ADGRL2: variants seen among roughly 807,000 people sequenced by gnomAD.
The protein encoded by ADGRL2 is calcium-independent alpha-latrotoxin receptor 2.
In ADGRL2, 44 loss-of-function variants were observed where a neutral mutation model predicts 157.4. The ratio of observed to expected loss-of-function variants is 0.28; its 90% confidence interval spans 0.22 to 0.36. The LOEUF (loss-of-function observed/expected upper bound fraction) is 0.36. Among genes scored for constraint, ADGRL2 ranks in the 10% least tolerant of loss-of-function variants. The pLI, the probability that ADGRL2 is intolerant of heterozygous loss-of-function variation, is 1.00. For missense variants in ADGRL2, 1,510 were observed against 1,768.9 expected (o/e 0.85, Z 2.63); for synonymous variants, 585 against 624.7 (o/e 0.94, Z 0.95).
At chr1:81,626,508 C>G (rs1021543885) in intron 3 of ADGRL2, among the ~76,000 whole-genome samples, 2 of 152,032 alleles carry the variant, frequency 1.3e-5, no homozygotes, top group African/African-American at 2.4e-5. Context: ...TTTCACCATT[C>G]GGTAATCTGC....
chr1:81,843,563 C>T (rs1399876431), intron 2 of ADGRL2, among the ~76,000 whole-genome samples: 6 of 152,020 alleles, frequency 3.9e-5, no homozygotes, highest in South Asian at 2.1e-4. Flanking sequence ...AGCGATAATT[C>T]GGTTTTAAAA....
At position 81,950,278 on chromosome 1, in the gene ADGRL2, A is replaced by C. The variant is rs1392294079; in HGVS notation, c.1300A>C (p.Met434Leu). ...TTSTTSQKGP[M>L]STTVAGSQEG... Reference sequence around the variant, plus strand: ...AAGCACTACTTCACAGAAAGGCCCCATGAGCACAACTGTAGCTGGATCACA... The same window carrying C: ...AAGCACTACTTCACAGAAAGGCCCCCTGAGCACAACTGTAGCTGGATCACA... Residue 434 changes from methionine to leucine, a missense_variant, in exon 7 of 24, where the codon ATG (methionine) becomes CTG (leucine). Physicochemically the swap from Met to Leu is conservative, Grantham distance 15. Coordinates refer to ENST00000686636, the MANE Select transcript of ADGRL2 (RefSeq NM_001366006.2). 1 of 1,614,114 alleles carries C rather than the reference A, an allele frequency of 6.2e-7. No individual in the cohort carries two copies. Among genetic ancestry groups the C allele is most frequent in the East Asian group, 2.2e-5 (1 of 44,872 alleles).
intron 1 of ADGRL2, among the ~76,000 whole-genome samples, chr1:81,374,475 G>A (rs2076213004): frequency 1.3e-5 from 2 of 151,382 alleles, no homozygotes; most frequent in African/African-American, 4.9e-5. Context: ...AGGAGGCTGA[G>A]GTGAGAGAAT....
chr1:81,498,921 A>G (rs913423930), intron 2 of ADGRL2, among the ~76,000 whole-genome samples: 6 of 152,236 alleles, frequency 3.9e-5, no homozygotes, highest in Non-Finnish European at 7.3e-5. Context: ...AGGAAGCATA[A>G]TAATTGTGTC....
At position 81,343,706 on chromosome 1, in the gene ADGRL2, CAG is replaced by C. The variant is rs536563720; in HGVS notation, c.-302+37211_-302+37212del. Among the ~76,000 whole-genome samples the C allele has an allele frequency of 3.4e-3, 505 of 150,436 alleles. 2 individuals carry two copies. The highest frequency in any genetic ancestry group is 7.0e-3 in the South Asian group (33 of 4,726). On this transcript the variant is annotated intron_variant, in intron 1 of 24. Coordinates refer to the ADGRL2 transcript ENST00000370721. The stretch of plus-strand genomic sequence containing the variant: ...AGAGAGAGAGAGAAAGAGAGTGTGA[CAG>C]AGAGAGAGAGAGAAAGAGATTGTGA...
intron 2 of ADGRL2, among the ~76,000 whole-genome samples, chr1:81,895,070 G>A: frequency 6.6e-6 from 1 of 152,170 alleles, no homozygotes; most frequent in East Asian, 1.9e-4. Flanking sequence ...TGGGGATATA[G>A]TGTCTTTCCT....
intron 1 of ADGRL2, among the ~76,000 whole-genome samples, chr1:81,393,306 G>A (rs755270495): frequency 6.6e-6 from 1 of 150,410 alleles, no homozygotes; most frequent in Non-Finnish European, 1.5e-5. Flanking sequence ...GGTGAATAGA[G>A]CCTGGTTATG....
At position 81,778,939 on chromosome 1, in the gene ADGRL2, C is replaced by T. The variant is rs1194160901; in HGVS notation, c.-101+17087C>T. Among the ~76,000 whole-genome samples, 3 of 152,266 alleles carry T rather than the reference C, an allele frequency of 2.0e-5. No homozygotes were observed. The East Asian group carries it at 5.8e-4, about 29-fold the overall frequency. The stretch of plus-strand genomic sequence containing the variant: ...AAATAGTAACATATGTTTTATAGGG[C>T]TGCTATGATGATTAAGTGAACAAGT... On this transcript the variant is annotated intron_variant, in intron 2 of 20. Transcript: ENST00000359929.
intron 2 of ADGRL2, among the ~76,000 whole-genome samples, chr1:81,448,945 C>A (rs1352101080): frequency 1.3e-5 from 2 of 152,118 alleles, no homozygotes; most frequent in Non-Finnish European, 1.5e-5. Context: ...CTATACTTTA[C>A]AGTTTATTTA....
In ADGRL2 at chr1:81,450,505, C is replaced by T. The variant is rs1341339711; in HGVS notation, c.-248+5416C>T. ...ATTAACAAGAAGCAAGTGGCAGAGC[C>T]AGGATTTGAACCCACATCTCTCTGA... On this transcript the variant is annotated intron_variant, in intron 2 of 24. Transcript: ENST00000370721. Among the ~76,000 whole-genome samples the T allele has an allele frequency of 2.0e-5, 3 of 152,082 alleles. No individual in the cohort carries two copies. The South Asian group carries it at 6.2e-4, about 32-fold the overall frequency.
Position 81,942,984 on chromosome 1 carries a change from G to A in ADGRL2, c.425G>A (p.Gly142Glu), listed in dbSNP as rs1287865261. 1 of 1,611,210 alleles carries A rather than the reference G, an allele frequency of 6.2e-7. No individual in the cohort carries two copies. Among genetic ancestry groups the A allele is most frequent in the Non-Finnish European group, 8.5e-7 (1 of 1,178,268 alleles). The change falls in exon 6 of 24, where the codon GGG (glycine) becomes GAG (glutamate). Residue 142 changes from glycine to glutamate, a missense_variant. Gly to Glu is a moderately conservative substitution (Grantham distance 98). Coordinates refer to ENST00000686636, the MANE Select transcript of ADGRL2 (RefSeq NM_001366006.2). ...YMEQKVFVCP[G>E]TLKAIVDSPC... is the part of the protein sequence containing the mutation. ...TAACTGTTAGTTTTTGTGTGTCCTG[G>A]GACCTTGAAAGCAATTGTGGACTCA...
chr1:81,658,824 T>C (rs1360515233), intron 3 of ADGRL2, among the ~76,000 whole-genome samples: 1 of 152,078 alleles, frequency 6.6e-6, no homozygotes, highest in East Asian at 1.9e-4. Context: ...CAATCTCAGC[T>C]CATTGCAACC....
chr1:81,760,913 A>G (rs907420682), intron 1 of ADGRL2, among the ~76,000 whole-genome samples: 2 of 151,940 alleles, frequency 1.3e-5, no homozygotes, highest in African/African-American at 4.8e-5. Flanking sequence ...ACAAACTAAT[A>G]ATTTCCTTAA....
chr1:81,315,696 T>C (rs549639525), intron 1 of ADGRL2, among the ~76,000 whole-genome samples: 1 of 152,192 alleles, frequency 6.6e-6, no homozygotes, highest in Non-Finnish European at 1.5e-5. Flanking sequence ...ATGCAAACCC[T>C]TTGGAATTTT....
chr1:81,941,248 A>G (rs920725720), intron 4 of ADGRL2, among the ~76,000 whole-genome samples: 6 of 151,490 alleles, frequency 4.0e-5, no homozygotes, highest in African/African-American at 1.4e-4. Context: ...AGAATTTTAT[A>G]ATAAAATGTA....
At chr1:81,549,541 A>G (rs1218604173) in intron 2 of ADGRL2, among the ~76,000 whole-genome samples, 5 of 152,194 alleles carry the variant, frequency 3.3e-5, no homozygotes, top group Non-Finnish European at 1.5e-5. Context: ...CACAAGATTG[A>G]AGTCACCATA....
intron 2 of ADGRL2, among the ~76,000 whole-genome samples, chr1:81,569,277 C>T (rs1465243281): frequency 6.6e-6 from 1 of 152,070 alleles, no homozygotes; most frequent in Non-Finnish European, 1.5e-5. Context: ...TTCCACGAGA[C>T]AATTAAGTTA....
intron 2 of ADGRL2, among the ~76,000 whole-genome samples, chr1:81,541,529 T>C (rs1036456126): frequency 1.3e-5 from 2 of 152,080 alleles, no homozygotes; most frequent in Non-Finnish European, 2.9e-5. Context: ...AGAGACAAAC[T>C]CACAGATGGC....
Position 81,720,026 on chromosome 1 carries a change from T to C in ADGRL2, c.-143+20218T>C, listed in dbSNP as rs184629952. The stretch of plus-strand genomic sequence containing the variant: ...TGGCATTTTTATTTTTGTTTTACTA[T>C]ATTTTATTATGAAAATGTAATGGTA... On this transcript the variant is annotated intron_variant, in intron 1 of 20. Coordinates refer to the ADGRL2 transcript ENST00000359929. 3.5e-4 allele frequency among the ~76,000 whole-genome samples: 54 copies of C among 152,286 alleles called. 1 individual carries two copies. The highest frequency in any genetic ancestry group is 1.3e-3 in the African/African-American group (52 of 41,562).
Sources: allele counts gnomAD v4.1 joint callset (sites outside exome capture counted in the v4.1 genomes callset), GRCh38; gene constraint gnomAD v4.1.1; transcripts MANE v1.5; gene names NCBI Gene and HGNC (gene_info 2026-07-23, HGNC 2026-07-21).